The following NR5A2 variants were observed in gnomAD, a reference collection of about 807,000 sequenced individuals.
The protein encoded by NR5A2 is CYP7A promoter-binding factor.
NR5A2 carries 26 observed loss-of-function variants against 62.7 expected under a neutral mutation model. The ratio of observed to expected loss-of-function variants is 0.41; its 90% CI spans 0.30 to 0.58. The LOEUF (loss-of-function observed/expected upper bound fraction) is 0.58. Ranked by LOEUF, NR5A2 falls within the 20% of genes least tolerant of loss-of-function variation. NR5A2 has a pLI of 0.22. For missense variants in NR5A2, 541 were observed against 669.1 expected (o/e 0.81, Z 2.11); for synonymous variants, 246 against 241.7 (o/e 1.02, Z -0.16).
intron 5 of NR5A2, among the ~76,000 whole-genome samples, chr1:200,107,232 A>C (rs1352925506): frequency 6.6e-6 from 1 of 152,134 alleles, no homozygotes; most frequent in East Asian, 1.9e-4. Context: ...TGCACAAGAT[A>C]CACAGAAAAC....
intron 5 of NR5A2, among the ~76,000 whole-genome samples, chr1:200,084,541 TTTCACACTTACTAG>T (rs1272941980): frequency 1.3e-5 from 2 of 152,274 alleles, no homozygotes; most frequent in East Asian, 3.9e-4. Context: ...AACAATGGAT[TTTCACACTTACTAG>T]AATCTCTAAG....
At chr1:200,117,936 A>G (rs1215712286) in intron 6 of NR5A2, among the ~76,000 whole-genome samples, 1 of 148,958 alleles carries the variant, frequency 6.7e-6, no homozygotes, top group Non-Finnish European at 1.5e-5. Context: ...CTGGTCTCGA[A>G]CTCCCGACCT....
chr1:200,076,255 T>C (rs1014949838), intron 5 of NR5A2, among the ~76,000 whole-genome samples: 4 of 152,168 alleles, frequency 2.6e-5, no homozygotes, highest in Admixed American at 1.3e-4. Flanking sequence ...TACCAGTGAT[T>C]TCCAGTTCCT....
At chr1:200,089,714 T>A (rs1367068612) in intron 5 of NR5A2, among the ~76,000 whole-genome samples, 3 of 151,946 alleles carry the variant, frequency 2.0e-5, no homozygotes, top group Non-Finnish European at 4.4e-5. Flanking sequence ...AAGGGATCCA[T>A]CCTCCTCAGC....
chr1:200,039,585 G>T lies in NR5A2; in HGVS notation c.65-73G>T. ...AGGCACGCTCCGGCGAGGCGAGAGG[G>T]TTGGGTTAGCAGGCATCCCGGTCGC... is the stretch of plus-strand genomic sequence containing the variant. On this transcript the variant is annotated intron_variant, in intron 1 of 7. Coordinates refer to ENST00000367362, the MANE Select transcript of NR5A2 (RefSeq NM_205860.3). This position sits in a 1 kb window ranked among gnomAD's most constrained non-coding sequence, Gnocchi z 5.1. 1 of 1,595,132 alleles carries T rather than the reference G, an allele frequency of 6.3e-7. No homozygotes were observed. The highest frequency in any genetic ancestry group is 8.5e-7 in the Non-Finnish European group (1 of 1,170,330).
chr1:200,154,732 T>C (rs1181626764), intron 7 of NR5A2, among the ~76,000 whole-genome samples: 3 of 152,182 alleles, frequency 2.0e-5, no homozygotes, highest in Non-Finnish European at 2.9e-5. Flanking sequence ...AAAGGCATTA[T>C]GAGAGTTTCA....
chr1:200,095,639 AC>A (rs1319772254), intron 5 of NR5A2, among the ~76,000 whole-genome samples: 3 of 150,962 alleles, frequency 2.0e-5, no homozygotes, highest in Admixed American at 1.3e-4. Flanking sequence ...TCCAAGCTCC[AC>A]CTCCTGGGTT....
intron 5 of NR5A2, among the ~76,000 whole-genome samples, chr1:200,066,967 G>A (rs1311067803): frequency 6.6e-6 from 1 of 152,186 alleles, no homozygotes; most frequent in East Asian, 1.9e-4. Context: ...GTCATTCCCT[G>A]TGGACCTGTC....
intron 5 of NR5A2, among the ~76,000 whole-genome samples, chr1:200,076,474 TG>T (rs1323257947): frequency 2.0e-5 from 3 of 151,476 alleles, no homozygotes; most frequent in Non-Finnish European, 4.4e-5. Context: ...TTTTTTTGTC[TG>T]CAGGCTAACC....
intron 7 of NR5A2, among the ~76,000 whole-genome samples, chr1:200,133,775 A>G (rs1667095241): frequency 9.2e-5 from 14 of 151,926 alleles, no homozygotes; most frequent in Admixed American, 9.2e-4. Context: ...CTATGTATAT[A>G]AAAGAAAACT....
chr1:200,034,846 T>G (rs548108139), intron 1 of NR5A2, among the ~76,000 whole-genome samples: 1 of 148,088 alleles, frequency 6.8e-6, no homozygotes, highest in East Asian at 2.0e-4. Flanking sequence ...CTATTCAGGT[T>G]TGCTTTTTTA....
intron 7 of NR5A2, among the ~76,000 whole-genome samples, chr1:200,156,585 G>C (rs1178008742): frequency 6.6e-6 from 1 of 152,038 alleles, no homozygotes; most frequent in African/African-American, 2.4e-5. Flanking sequence ...TTTTAGTAGA[G>C]AGGGTGTTTC....
In NR5A2 at chr1:200,073,293, CCCCTTTATATATATATA is replaced by C. The variant is rs1558121843; in HGVS notation, c.1110+24476_1110+24492del. Among the ~76,000 whole-genome samples, 43 of 56,694 alleles carry C rather than the reference CCCCTTTATATATATATA, an allele frequency of 7.6e-4. 3 individuals are homozygous for C. In the South Asian group the frequency reaches 0.023, roughly 30 times the overall value. 37.2% of individuals were successfully genotyped at this position (56,694 alleles called of 152,430 possible). ...TTATATATATATATATATATATATT[CCCCTTTATATATATATA>C]TATATTCCCCTTTATATATATATAT... On this transcript the variant is annotated intron_variant, in intron 5 of 7. Coordinates refer to ENST00000367362, the MANE Select transcript of NR5A2 (RefSeq NM_205860.3).
At chr1:200,118,418 T>G (rs1666340057) in intron 6 of NR5A2, among the ~76,000 whole-genome samples, 1 of 152,244 alleles carries the variant, frequency 6.6e-6, no homozygotes, top group African/African-American at 2.4e-5. Context: ...TTGTCCCATC[T>G]ATGATTCTTG....
chr1:200,088,685 C>T (rs1206988604), intron 5 of NR5A2, among the ~76,000 whole-genome samples: 1 of 152,212 alleles, frequency 6.6e-6, no homozygotes, highest in Admixed American at 6.5e-5. Context: ...CACCGTCCTA[C>T]CTTTTCTCAT....
intron 5 of NR5A2, among the ~76,000 whole-genome samples, chr1:200,094,476 C>T (rs187531329): frequency 3.3e-5 from 5 of 150,334 alleles, no homozygotes; most frequent in South Asian, 2.1e-4. Flanking sequence ...TGAGCCACCA[C>T]GCCCAGCCTG....
intron 5 of NR5A2, among the ~76,000 whole-genome samples, chr1:200,061,275 CTTT>C (rs35232000): frequency 2.4e-5 from 3 of 122,828 alleles, no homozygotes; most frequent in African/African-American, 3.2e-5. Context: ...TCGGGATTAA[CTTT>C]TTTTTTTTTT....
At chr1:200,125,155 A>T (rs1666647616) in intron 7 of NR5A2, among the ~76,000 whole-genome samples, 1 of 152,238 alleles carries the variant, frequency 6.6e-6, no homozygotes, top group Non-Finnish European at 1.5e-5. Flanking sequence ...TGGGAAAGCT[A>T]ACGTGAAGAA....
intron 7 of NR5A2, among the ~76,000 whole-genome samples, chr1:200,169,646 T>C (rs7556049): frequency 0.18 from 27,389 of 152,178 alleles, 3,684 homozygotes; most frequent in African/African-American, 0.38. Flanking sequence ...TATAAAAAGT[T>C]GGTAATTAGT....
Sources: gnomAD v4.1 joint callset for allele counts (sites outside exome capture counted in the v4.1 genomes callset) on GRCh38, gnomAD v4.1.1 for gene constraint, Gnocchi (gnomAD v3.1) non-coding constraint, MANE v1.5 for transcripts, NCBI Gene and HGNC (gene_info 2026-07-23, HGNC 2026-07-21) for gene names.